The following CDH23 variants were observed in gnomAD, a reference collection of about 807,000 sequenced individuals.
CDH23 encodes cadherin-23.
CDH23 carries 189 observed loss-of-function variants against 317.1 expected under a neutral mutation model. The ratio of observed to expected loss-of-function variants is 0.60; its 90% confidence interval spans 0.53 to 0.67. The LOEUF (loss-of-function observed/expected upper bound fraction) is 0.67, where lower values mean the gene tolerates loss of function less well. Among genes scored for constraint, CDH23 ranks in the 30% least tolerant of loss-of-function variants. The probability of loss-of-function intolerance (pLI) is 0.00; values close to 1 mark genes in which losing one functional copy is unlikely to be tolerated. For synonymous variants in CDH23, 1,839 were observed against 1,876.8 expected, an observed-to-expected ratio of 0.98 and a Z score of 0.52; for missense variants, 4,401 against 4,592.4, an observed-to-expected ratio of 0.96 and a Z score of 1.20.
intron 6 of CDH23, among the ~76,000 whole-genome samples, chr10:71,542,397 A>G (rs1856034775): frequency 6.6e-6 from 1 of 151,656 alleles, no homozygotes; most frequent in African/African-American, 2.4e-5. Context: ...ATATTGATTA[A>G]TCTGTGACTC....
chr10:71,682,011 C>T (rs147104556), intron 17 of CDH23, among the ~76,000 whole-genome samples: 226 of 152,124 alleles, frequency 1.5e-3, no homozygotes, highest in African/African-American at 5.1e-3. Context: ...TCCAGACTGA[C>T]GGGGAAAATC....
rs1216973740 is a variant in CDH23, at chr10:71,785,028, TG to T, written c.5642del (p.Gly1881AlafsTer30). 1 of 1,613,954 alleles carries T rather than the reference TG, an allele frequency of 6.2e-7. No individual in the cohort carries two copies. Among genetic ancestry groups the T allele is most frequent in the Non-Finnish European group, 8.5e-7 (1 of 1,179,910 alleles). On this transcript the variant is annotated frameshift_variant, in exon 43 of 70. Coordinates refer to ENST00000224721, the MANE Select transcript of CDH23 (RefSeq NM_022124.6). LOFTEE classifies it high-confidence loss of function. ...AHVLASDADS[G>X]CNARLTFNIT... is the part of the protein sequence containing the mutation. ...ATGTCCTGGCCAGTGACGCTGACAG[TG>T]GCTGCAATGCACGCCTCACCTTCAA...
At chr10:71,643,978 C>A in intron 12 of CDH23, 112 bp downstream of exon 12, 1 of 709,788 alleles carries the variant, frequency 1.4e-6, no homozygotes, top group Non-Finnish European at 2.6e-6. Context: ...CCTCTCAGGC[C>A]CCCAGCTCCT....
rs780258798 is a variant in CDH23, at chr10:71,797,223, A to G, written c.6829+3A>G. On this transcript the variant is annotated splice_donor_region_variant and intron_variant, in intron 49 of 69. Transcript: ENST00000224721. ...GCGCTCTGTCAGTGTGCCAAATGGT[A>G]AGGTTCCCTGCAGACATCTCTCATT... 17 of 1,600,450 alleles carry G rather than the reference A, an allele frequency of 1.1e-5. No homozygotes were observed. In the Admixed American group the frequency reaches 2.9e-4, roughly 27 times the overall value.
intron 28 of CDH23, chr10:71,713,137 C>T (rs1231678821): frequency 2.6e-6 from 2 of 778,454 alleles, no homozygotes; most frequent in Non-Finnish European, 4.8e-6. Context: ...TCACAATTTC[C>T]CGGAAAGGAG....
At chr10:71,730,271 T>C (rs1487076772) in intron 30 of CDH23, among the ~76,000 whole-genome samples, 198 bp from the exon 31 acceptor site, 1 of 152,202 alleles carries the variant, frequency 6.6e-6, no homozygotes, top group East Asian at 1.9e-4. Flanking sequence ...ACAAGTAATG[T>C]TTGAGCACCT....
At chr10:71,713,225 G>A (rs753239798) in intron 28 of CDH23, 2 of 779,162 alleles carry the variant, frequency 2.6e-6, no homozygotes, top group Non-Finnish European at 4.8e-6. Flanking sequence ...CTCCCCTCTT[G>A]GGAAGTAAAC....
intron 30 of CDH23, among the ~76,000 whole-genome samples, chr10:71,727,920 C>A (rs1866888158): frequency 1.3e-5 from 2 of 152,180 alleles, no homozygotes; most frequent in South Asian, 4.1e-4. Context: ...TTGCCTCCTC[C>A]TGTCTCTGCT....
chr10:71,591,479 G>A (rs1859489348), intron 9 of CDH23, among the ~76,000 whole-genome samples: 1 of 152,118 alleles, frequency 6.6e-6, no homozygotes, highest in Non-Finnish European at 1.5e-5. Context: ...CCAAGCTGAT[G>A]CAGCTAACCA....
chr10:71,534,976 TTCCCC>T (rs539072439), intron 6 of CDH23, among the ~76,000 whole-genome samples: 92 of 152,358 alleles, frequency 6.0e-4, no homozygotes, highest in Middle Eastern at 3.4e-3. Context: ...AGCCCCTGTC[TTCCCC>T]TCCCTGTGTG....
rs1269367633 is a variant in CDH23, at chr10:71,609,993, T to TGA, written c.833-5510_833-5509insAG. The stretch of plus-strand genomic sequence containing the variant: ...GTGTGTGTGTGTGTGTGTGTGTGTG[T>TGA]GTGAGAGAGACAGAGAGACGAGAGA... On this transcript the variant is annotated intron_variant, in intron 9 of 69. Coordinates refer to ENST00000224721, the MANE Select transcript of CDH23 (RefSeq NM_022124.6). 1.3e-3 allele frequency among the ~76,000 whole-genome samples: 182 copies of TGA among 137,790 alleles called. 1 individual carries two copies. Among genetic ancestry groups the TGA allele is most frequent in the African/African-American group, 4.9e-3 (173 of 35,460 alleles). 90.4% of individuals were successfully genotyped at this position (137,790 alleles called of 152,430 possible).
chr10:71,785,087 T>G lies in CDH23; in HGVS notation c.5699T>G (p.Phe1900Cys). Reference sequence around the variant, plus strand: ...GCGGGCAACCGCGAGCGGGCCTTCTTCATCAATGCCACGGTAGGGCCTAGA... The same window carrying G: ...GCGGGCAACCGCGAGCGGGCCTTCTGCATCAATGCCACGGTAGGGCCTAGA... Reference protein sequence around the residue: ...ITAGNRERAFFINATTGIVTV... With the variant: ...ITAGNRERAFCINATTGIVTV... Residue 1900 changes from phenylalanine (F) to cysteine (C), a missense_variant, in exon 43 of 70, where the codon TTC becomes TGC. This residue lies in a region of CDH23 where 3,068 missense variants were observed against 3,203.3 expected (regional missense o/e 0.96). Coordinates refer to ENST00000224721, the MANE Select transcript of CDH23 (RefSeq NM_022124.6). 6.2e-7 allele frequency: 1 copy of G among 1,613,886 alleles called. No individual in the cohort carries two copies. Among genetic ancestry groups the G allele is most frequent in the South Asian group, 1.1e-5 (1 of 91,084 alleles).
At chr10:71,696,388 C>T (rs1488018712) in intron 22 of CDH23, among the ~76,000 whole-genome samples, 1 of 152,220 alleles carries the variant, frequency 6.6e-6, no homozygotes, top group Non-Finnish European at 1.5e-5. Context: ...GGAACTCTCT[C>T]CTCCTCACTG....
At chr10:71,471,650 C>T (rs527921951) in intron 3 of CDH23, among the ~76,000 whole-genome samples, 19 of 152,278 alleles carry the variant, frequency 1.2e-4, no homozygotes, top group South Asian at 6.2e-4. Context: ...GACGTGTCCC[C>T]GTGAGAACTT....
intron 6 of CDH23, chr10:71,512,324 A>T (rs1463398678): frequency 2.0e-5 from 3 of 152,246 alleles, no homozygotes; most frequent in African/African-American, 7.2e-5. Flanking sequence ...GCAGGTGGGG[A>T]TGCAGCGGAG....
chr10:71,725,467 C>T lies in CDH23; in HGVS notation c.3526C>T (p.Leu1176=), dbSNP rs752169977. Residue 1176 remains leucine, a synonymous_variant, in exon 30 of 70, where the codon CTG becomes TTG. Coordinates refer to ENST00000224721, the MANE Select transcript of CDH23 (RefSeq NM_022124.6). ...LDRERNSSHV[L]IVEAYNHDLG... Reference sequence around the variant, plus strand: ...CCGGGAGCGGAACTCATCCCACGTGCTGATAGTGGAGGCCTACAACCACGA... The same window carrying T: ...CCGGGAGCGGAACTCATCCCACGTGTTGATAGTGGAGGCCTACAACCACGA... 2 of 1,613,994 alleles carry T rather than the reference C, an allele frequency of 1.2e-6. No individual in the cohort carries two copies. Among genetic ancestry groups the T allele is most frequent in the East Asian group, 2.2e-5 (1 of 44,890 alleles).
chr10:71,634,728 C>G (rs1272366756), intron 11 of CDH23, among the ~76,000 whole-genome samples: 1 of 152,248 alleles, frequency 6.6e-6, no homozygotes, highest in Non-Finnish European at 1.5e-5. Context: ...CATAAATCCT[C>G]TGTGGTTCCC....
chr10:71,428,018 G>A (rs926538662), intron 1 of CDH23, among the ~76,000 whole-genome samples: 5 of 151,736 alleles, frequency 3.3e-5, no homozygotes, highest in African/African-American at 1.2e-4. Flanking sequence ...CGGCCCTATT[G>A]TACTTTTATA....
chr10:71,808,974 A>C (rs1030051473), intron 60 of CDH23, among the ~76,000 whole-genome samples: 2 of 152,118 alleles, frequency 1.3e-5, no homozygotes, highest in Non-Finnish European at 2.9e-5. Flanking sequence ...ACAAGCAGAC[A>C]CCATCCCTTT....
Sources: allele counts gnomAD v4.1 joint callset (sites outside exome capture counted in the v4.1 genomes callset), GRCh38; gene constraint gnomAD v4.1.1; regional missense constraint gnomAD v4.1.1; transcripts MANE v1.5; gene names NCBI Gene and HGNC (gene_info 2026-07-23, HGNC 2026-07-21).